The following RBFOX3 variants were observed in gnomAD, a reference collection of about 807,000 sequenced individuals.
RBFOX3 encodes RNA binding fox-1 homolog 3, also known as RNA binding protein fox-1 homolog 3.
A neutral mutation model predicts 48.7 loss-of-function variants in RBFOX3; 17 were observed. The ratio of observed to expected loss-of-function variants is 0.35; its 90% CI spans 0.24 to 0.52. The LOEUF is 0.52. Among genes scored for constraint, RBFOX3 ranks in the 20% least tolerant of loss-of-function variants. The pLI is 0.94. For missense variants in RBFOX3, 382 were observed against 497.5 expected, an observed-to-expected ratio of 0.77 and a Z score of 2.21; for synonymous variants, 212 against 209.5, an observed-to-expected ratio of 1.01 and a Z score of -0.10.
intron 4 of RBFOX3, among the ~76,000 whole-genome samples, chr17:79,121,360 C>T (rs890901432): frequency 9.9e-5 from 15 of 152,106 alleles, no homozygotes; most frequent in South Asian, 2.1e-4. Context: ...GAAAGAAAAC[C>T]CTCCTTGACA....
chr17:79,250,969 C>T (rs975256576), intron 3 of RBFOX3, among the ~76,000 whole-genome samples: 1 of 151,996 alleles, frequency 6.6e-6, no homozygotes, highest in African/African-American at 2.4e-5. Flanking sequence ...CCACCAAGCC[C>T]GGCTAATTTT....
At chr17:79,449,032 G>C (rs1341151274) in intron 2 of RBFOX3, among the ~76,000 whole-genome samples, 1 of 152,078 alleles carries the variant, frequency 6.6e-6, no homozygotes, top group Non-Finnish European at 1.5e-5. Flanking sequence ...CACTGGGTTG[G>C]AGCTGCTTTG....
At chr17:79,215,772 C>T (rs889463486) in intron 4 of RBFOX3, among the ~76,000 whole-genome samples, 1 of 152,266 alleles carries the variant, frequency 6.6e-6, no homozygotes, top group Non-Finnish European at 1.5e-5. Context: ...TGGGCACCGC[C>T]CTCTCTCAGC....
At chr17:79,180,401 G>C (rs2051627727) in intron 4 of RBFOX3, among the ~76,000 whole-genome samples, 1 of 152,234 alleles carries the variant, frequency 6.6e-6, no homozygotes, top group Non-Finnish European at 1.5e-5. Context: ...TGTCTTGCTT[G>C]ATTTCACGTC....
intron 2 of RBFOX3, among the ~76,000 whole-genome samples, chr17:79,465,992 G>C (rs989877625): frequency 3.3e-5 from 5 of 152,220 alleles, no homozygotes; most frequent in Non-Finnish European, 5.9e-5. Flanking sequence ...GAACAACCCA[G>C]CTGGATCTCC....
At chr17:79,238,409 C>T (rs369175661) in intron 3 of RBFOX3, among the ~76,000 whole-genome samples, 17 of 152,222 alleles carry the variant, frequency 1.1e-4, no homozygotes, top group African/African-American at 2.9e-4. Flanking sequence ...GAGGCAGGCT[C>T]GGGCCCATGG....
At chr17:79,240,437 G>A (rs959018686) in intron 3 of RBFOX3, among the ~76,000 whole-genome samples, 13 of 152,208 alleles carry the variant, frequency 8.5e-5, no homozygotes, top group Admixed American at 2.0e-4. Flanking sequence ...AGAGCAAGCG[G>A]AACGTGGATT....
intron 2 of RBFOX3, among the ~76,000 whole-genome samples, chr17:79,411,602 C>T (rs746985789): frequency 1.1e-4 from 16 of 152,294 alleles, no homozygotes; most frequent in Non-Finnish European, 1.9e-4. Context: ...CCTGCCAGCC[C>T]GACTTCGGTC....
intron 1 of RBFOX3, among the ~76,000 whole-genome samples, chr17:79,514,584 T>C (rs2084978921): frequency 6.6e-6 from 1 of 152,176 alleles, no homozygotes; most frequent in Non-Finnish European, 1.5e-5. Context: ...TTGTGGCCAC[T>C]GCCCGACAGG....
At chr17:79,377,785 C>T (rs970975801) in intron 2 of RBFOX3, among the ~76,000 whole-genome samples, 1 of 152,142 alleles carries the variant, frequency 6.6e-6, no homozygotes, top group African/African-American at 2.4e-5. Context: ...GTGCGTGTCC[C>T]TGGTGACCCG....
chr17:79,390,027 A>G lies in RBFOX3; in HGVS notation c.-174-82203T>C, dbSNP rs549263848. ...CAGCCTCCAGGTCTCCGCAGCCTCC[A>G]GGTCTCCGTAGCCTCCAGGTCTCCG... On this transcript the variant is annotated intron_variant, in intron 2 of 14. Transcript: ENST00000693108. The surrounding 1 kb of genome is among the most constrained non-coding windows in gnomAD (Gnocchi z 4.2). 2.3e-4 allele frequency among the ~76,000 whole-genome samples: 20 copies of G among 87,922 alleles called. No individual in the cohort carries two copies. Among genetic ancestry groups the G allele is most frequent in the African/African-American group, 7.1e-4 (14 of 19,636 alleles). 57.7% of individuals were successfully genotyped at this position (87,922 alleles called of 152,430 possible).
chr17:79,649,629 C>T, the RBFOX3 span, among the ~76,000 whole-genome samples: 1 of 152,204 alleles, frequency 6.6e-6, no homozygotes, highest in African/African-American at 2.4e-5. Flanking sequence ...TCACTTGAAC[C>T]TGGGAGGCGG....
intron 4 of RBFOX3, among the ~76,000 whole-genome samples, chr17:79,165,911 G>A (rs982322576): frequency 3.0e-4 from 45 of 152,324 alleles, no homozygotes; most frequent in Non-Finnish European, 3.4e-4. Flanking sequence ...GCTGGGAGCC[G>A]GTGACACGCG....
intron 3 of RBFOX3, among the ~76,000 whole-genome samples, chr17:79,305,335 T>C (rs1484887556): frequency 3.3e-5 from 5 of 152,222 alleles, no homozygotes; most frequent in Admixed American, 6.5e-5. Context: ...CATTATGTTT[T>C]TCTTTTCCAC....
rs2061355684 is a variant in RBFOX3, at chr17:79,391,331, A to G, written c.-174-83507T>C. On this transcript the variant is annotated intron_variant, in intron 2 of 14. Coordinates refer to ENST00000693108, the MANE Select transcript of RBFOX3 (RefSeq NM_001350451.2). This position sits in a 1 kb window ranked among gnomAD's most constrained non-coding sequence, Gnocchi z 5.0. ...GACCAGCTGTCTCAGGGGGAGAAAA[A>G]GGGAGGATTTAAACCCAGCACACCT... Among the ~76,000 whole-genome samples the G allele has an allele frequency of 6.6e-6, 1 of 152,068 alleles. No homozygotes were observed. Among genetic ancestry groups the G allele is most frequent in the Admixed American group, 6.5e-5 (1 of 15,276 alleles).
At chr17:79,373,855 T>C (rs1032683650) in intron 2 of RBFOX3, among the ~76,000 whole-genome samples, 5 of 150,758 alleles carry the variant, frequency 3.3e-5, no homozygotes, top group Non-Finnish European at 7.4e-5. Flanking sequence ...AGTTTTCTTT[T>C]TTTGTTTTTG....
At chr17:79,203,351 T>G (rs1599953860) in intron 4 of RBFOX3, among the ~76,000 whole-genome samples, 2 of 86,052 alleles carry the variant, frequency 2.3e-5, no homozygotes, top group East Asian at 3.0e-4. Context: ...ACTGTGGGGG[T>G]GGGTGGAGGG....
chr17:79,375,620 G>A (rs978516831), intron 2 of RBFOX3, among the ~76,000 whole-genome samples: 2 of 152,222 alleles, frequency 1.3e-5, no homozygotes, highest in African/African-American at 2.4e-5. Context: ...TGGGGGCTGA[G>A]CAGACTCGGG....
chr17:79,301,322 C>T (rs373394303), intron 3 of RBFOX3, among the ~76,000 whole-genome samples: 9 of 152,352 alleles, frequency 5.9e-5, no homozygotes, highest in African/African-American at 2.2e-4. Context: ...GGACTTGGAA[C>T]CCCACTGGGG....
Sources: gnomAD v4.1 joint callset for allele counts (sites outside exome capture counted in the v4.1 genomes callset) on GRCh38, gnomAD v4.1.1 for gene constraint, Gnocchi (gnomAD v3.1) non-coding constraint, MANE v1.5 for transcripts, NCBI Gene and HGNC (gene_info 2026-07-23, HGNC 2026-07-21) for gene names.